MLLT10: variants seen among roughly 807,000 people sequenced by gnomAD.
The protein encoded by MLLT10 is MLLT10 histone lysine methyltransferase DOT1L cofactor, also known as protein AF-10.
A neutral mutation model predicts 129.1 loss-of-function variants in MLLT10; 30 were observed. The ratio of observed to expected loss-of-function variants is 0.23; its 90% CI spans 0.17 to 0.32. The LOEUF (loss-of-function observed/expected upper bound fraction) is 0.32, where lower values mean the gene tolerates loss of function less well. MLLT10 is among the 10% of genes least tolerant of loss of function. The pLI is 1.00. For synonymous variants in MLLT10, 490 were observed against 446.4 expected, an observed-to-expected ratio of 1.10 and a Z score of -1.23; for missense variants, 1,119 against 1,268.3, an observed-to-expected ratio of 0.88 and a Z score of 1.79.
At chr10:21,603,764 A>G (rs2043788404) in intron 5 of MLLT10, among the ~76,000 whole-genome samples, 1 of 152,042 alleles carries the variant, frequency 6.6e-6, no homozygotes, top group Middle Eastern at 3.4e-3. Flanking sequence ...CTTAAGGGAA[A>G]TCTGTTCCAT....
At chr10:21,666,088 A>T (rs2050763895) in intron 9 of MLLT10, among the ~76,000 whole-genome samples, 1 of 151,986 alleles carries the variant, frequency 6.6e-6, no homozygotes. Flanking sequence ...TGTCTGCTGT[A>T]TGTTTGATTG....
chr10:21,555,847 A>G (rs1039406373), intron 3 of MLLT10, among the ~76,000 whole-genome samples: 1 of 147,290 alleles, frequency 6.8e-6, no homozygotes, highest in Admixed American at 6.8e-5. Context: ...TTGTATTTTT[A>G]GTAGGAACAG....
At chr10:21,623,132 C>T (rs984637507) in intron 8 of MLLT10, among the ~76,000 whole-genome samples, 21 of 152,330 alleles carry the variant, frequency 1.4e-4, no homozygotes, top group African/African-American at 5.1e-4. Flanking sequence ...GATCAGGAAG[C>T]TCTTAGAACT....
intron 5 of MLLT10, 72 bp downstream of exon 5, chr10:21,595,512 T>C (rs1257699236): frequency 1.2e-5 from 14 of 1,199,280 alleles, no homozygotes; most frequent in Non-Finnish European, 1.5e-5. Context: ...TTTGTGTTTT[T>C]AAAATCACAG....
intron 21 of MLLT10, among the ~76,000 whole-genome samples, chr10:21,736,876 C>G (rs983048195): frequency 6.6e-6 from 1 of 152,180 alleles, no homozygotes; most frequent in South Asian, 2.1e-4. Flanking sequence ...AGATTTGATG[C>G]GGACTCCTAG....
chr10:21,739,059 A>G lies in MLLT10; in HGVS notation c.2956-971A>G, dbSNP rs555998088. ...CTTCCTGCACAACCCCGCCCCACCC[A>G]TCGTTTTCCTCACCTCAGCTGATGG... On this transcript the variant is annotated intron_variant, in intron 21 of 22. Coordinates refer to ENST00000307729, the MANE Select transcript of MLLT10 (RefSeq NM_001195626.3). Among the ~76,000 whole-genome samples, 6 of 152,108 alleles carry G rather than the reference A, an allele frequency of 3.9e-5. No individual in the cohort carries two copies. In the East Asian group the frequency reaches 1.2e-3, roughly 29 times the overall value.
At chr10:21,600,375 A>C (rs1329632202) in intron 5 of MLLT10, among the ~76,000 whole-genome samples, 1 of 148,232 alleles carries the variant, frequency 6.7e-6, no homozygotes, top group East Asian at 1.9e-4. Context: ...TAGAACACAC[A>C]CACACACACA....
At chr10:21,583,209 T>C (rs1293456432) in intron 3 of MLLT10, among the ~76,000 whole-genome samples, 1 of 151,984 alleles carries the variant, frequency 6.6e-6, no homozygotes, top group East Asian at 1.9e-4. Flanking sequence ...GCATATAGAG[T>C]TTTATACCTG....
chr10:21,554,359 T>TA (rs2130965322), intron 3 of MLLT10, among the ~76,000 whole-genome samples: 1 of 152,330 alleles, frequency 6.6e-6, no homozygotes, highest in Non-Finnish European at 1.5e-5. Flanking sequence ...AGCATCTTGA[T>TA]ATTGTAGCCC....
intron 9 of MLLT10, among the ~76,000 whole-genome samples, chr10:21,666,553 C>G (rs1192895324): frequency 2.0e-5 from 3 of 151,760 alleles, no homozygotes; most frequent in Non-Finnish European, 4.4e-5. Flanking sequence ...GTCCCAGCTA[C>G]TGGGAAGGCT....
intron 13 of MLLT10, among the ~76,000 whole-genome samples, chr10:21,699,356 G>C (rs2054679099): frequency 6.6e-6 from 1 of 151,636 alleles, no homozygotes; most frequent in Non-Finnish European, 1.5e-5. Context: ...CTCCTCTGTT[G>C]ATTATGTCTT....
intron 3 of MLLT10, among the ~76,000 whole-genome samples, chr10:21,578,052 C>T (rs1287665892): frequency 2.0e-5 from 3 of 151,862 alleles, no homozygotes; most frequent in Non-Finnish European, 1.5e-5. Context: ...CCCGCCATCA[C>T]GCTTGGCTAA....
In MLLT10 at chr10:21,563,715, C is replaced by T. The variant is rs1399297157; in HGVS notation, c.241-22579C>T. The stretch of plus-strand genomic sequence containing the variant: ...TTATTAAGAATAAAACTGTTATAAA[C>T]ATTACATGGGTTTTCATGTGAGCAT... On this transcript the variant is annotated intron_variant, in intron 3 of 22. Coordinates refer to ENST00000307729, the MANE Select transcript of MLLT10 (RefSeq NM_001195626.3). Among the ~76,000 whole-genome samples, 6 of 151,992 alleles carry T rather than the reference C, an allele frequency of 3.9e-5. No individual in the cohort carries two copies. In the East Asian group the frequency reaches 1.2e-3, roughly 29 times the overall value.
At chr10:21,737,406 T>A (rs2058462096) in intron 21 of MLLT10, among the ~76,000 whole-genome samples, 2 of 152,054 alleles carry the variant, frequency 1.3e-5, no homozygotes, top group African/African-American at 4.8e-5. Context: ...ATTTTGAATG[T>A]GACAGCGTGT....
Position 21,733,931 on chromosome 10 carries a change from C to A in MLLT10, c.2660C>A (p.Ser887Tyr). ...ALASGMQPVT[S>Y]TIPAVSAVGG... ...GCTAGTGGAATGCAGCCTGTAACTTCCACCATTCCTGCCGTGTCTGCAGTG... is the reference window on the plus strand; with the variant it reads ...GCTAGTGGAATGCAGCCTGTAACTTACACCATTCCTGCCGTGTCTGCAGTG... Residue 887 changes from serine to tyrosine, a missense_variant, in exon 20 of 23, where the codon TCC (serine) becomes TAC (tyrosine). By Grantham distance (144) the Ser-to-Tyr change is moderately radical. Around this residue, in one of 5 missense-constraint regions of MLLT10, gnomAD observed 1,004 missense variants for 1,008.7 expected, o/e 1.00. Coordinates refer to ENST00000307729, the MANE Select transcript of MLLT10 (RefSeq NM_001195626.3). 1 of 1,614,178 alleles carries A rather than the reference C, an allele frequency of 6.2e-7. No individual in the cohort carries two copies. Among genetic ancestry groups the A allele is most frequent in the Non-Finnish European group, 8.5e-7 (1 of 1,180,036 alleles).
chr10:21,665,306 G>A (rs911356506), intron 9 of MLLT10, among the ~76,000 whole-genome samples: 7 of 137,422 alleles, frequency 5.1e-5, no homozygotes, highest in Non-Finnish European at 9.5e-5. Flanking sequence ...TTTTTTGGGG[G>A]GGGGGGGGTT....
rs1350823813 is a variant in MLLT10, at chr10:21,617,192, T to C, written c.684T>C (p.His228=). 6.6e-7 allele frequency: 1 copy of C among 1,515,850 alleles called. No individual in the cohort carries two copies. The highest frequency in any genetic ancestry group is 8.9e-7 in the Non-Finnish European group (1 of 1,125,222). 93.9% of individuals were successfully genotyped at this position (1,515,850 alleles called of 1,614,324 possible). ...DSSSHSQDKH[H]EKEKKKYKEK... is the part of the protein sequence containing the mutation. ...CCTCTCACTCTCAGGATAAACATCA[T>C]GAGAAAGAGAAAAAAGTAAGTGGAT... Residue 228 remains histidine, a synonymous_variant, in exon 8 of 23, where the codon CAT becomes CAC. Coordinates refer to ENST00000307729, the MANE Select transcript of MLLT10 (RefSeq NM_001195626.3).
At chr10:21,587,207 C>T (rs1294338452) in intron 4 of MLLT10, among the ~76,000 whole-genome samples, 1 of 151,652 alleles carries the variant, frequency 6.6e-6, no homozygotes, top group Non-Finnish European at 1.5e-5. Flanking sequence ...TGAGACCATC[C>T]TGGGCAACAT....
At chr10:21,611,100 G>A (rs1443940299) in intron 5 of MLLT10, among the ~76,000 whole-genome samples, 2 of 147,256 alleles carry the variant, frequency 1.4e-5, no homozygotes, top group Admixed American at 6.9e-5. Flanking sequence ...TGGTTCAAGC[G>A]ACTCTCCTGC....
Sources: allele counts gnomAD v4.1 joint callset (sites outside exome capture counted in the v4.1 genomes callset), GRCh38; gene constraint gnomAD v4.1.1; regional missense constraint gnomAD v4.1.1; transcripts MANE v1.5; gene names NCBI Gene and HGNC (gene_info 2026-07-23, HGNC 2026-07-21).